LRRTM4: variants seen among roughly 807,000 people sequenced by gnomAD.
LRRTM4 encodes leucine-rich repeat transmembrane neuronal protein 4.
In LRRTM4, 25 loss-of-function variants were observed where a neutral mutation model predicts 47.6. That is an observed-to-expected ratio of 0.53 (90% confidence interval 0.38 to 0.73). The LOEUF is 0.73. Ranked by LOEUF, LRRTM4 falls within the 30% of genes least tolerant of loss-of-function variation. The probability of loss-of-function intolerance (pLI) is 0.00; values close to 1 mark genes in which losing one functional copy is unlikely to be tolerated. For missense variants in LRRTM4, 638 were observed against 713.4 expected (o/e 0.89, Z 1.20); for synonymous variants, 311 against 269.5 (o/e 1.15, Z -1.51).
Position 77,351,614 on chromosome 2 carries a change from T to TTATATATATATA in LRRTM4, c.1551+166692_1551+166703dup, listed in dbSNP as rs71656252. On this transcript the variant is annotated intron_variant, in intron 3 of 3. Coordinates refer to ENST00000409884, the MANE Select transcript of LRRTM4 (RefSeq NM_001134745.3). Reference sequence around the variant, plus strand: ...ATGCTTTTGTGAAACCATGACAAATTTATATATATATATATATATATATAT... The same window carrying TTATATATATATA: ...ATGCTTTTGTGAAACCATGACAAATTTATATATATATATATATATATATATATATATATATAT... Among the ~76,000 whole-genome samples, 757 of 135,340 alleles carry TTATATATATATA rather than the reference T, an allele frequency of 5.6e-3. 11 individuals are homozygous for TTATATATATATA. Among genetic ancestry groups the TTATATATATATA allele is most frequent in the African/African-American group, 0.02 (699 of 35,616 alleles). 88.8% of individuals were successfully genotyped at this position (135,340 alleles called of 152,430 possible).
intron 3 of LRRTM4, among the ~76,000 whole-genome samples, chr2:77,066,388 G>C (rs1679957507): frequency 6.6e-6 from 1 of 152,166 alleles, no homozygotes; most frequent in African/African-American, 2.4e-5. Flanking sequence ...AAGACTAATA[G>C]CATCATCTTT....
chr2:76,973,504 A>G (rs77254484), intron 3 of LRRTM4, among the ~76,000 whole-genome samples: 3,509 of 152,018 alleles, frequency 0.023, 168 homozygotes, highest in African/African-American at 0.08. Flanking sequence ...CCCATTGTCT[A>G]AAGTTTTCAG....
intron 3 of LRRTM4, among the ~76,000 whole-genome samples, chr2:77,024,164 A>C (rs892787495): frequency 1.3e-5 from 2 of 152,170 alleles, no homozygotes; most frequent in African/African-American, 4.8e-5. Context: ...CTGTGATTCA[A>C]ATTATCCCAC....
At chr2:77,059,768 A>G (rs540905901) in intron 3 of LRRTM4, among the ~76,000 whole-genome samples, 1 of 152,280 alleles carries the variant, frequency 6.6e-6, no homozygotes, top group Admixed American at 6.5e-5. Context: ...GTGAAAAGTA[A>G]AGCAAAATAC....
At chr2:77,329,908 T>C (rs1191827269) in intron 3 of LRRTM4, among the ~76,000 whole-genome samples, 1 of 152,110 alleles carries the variant, frequency 6.6e-6, no homozygotes, top group Non-Finnish European at 1.5e-5. Flanking sequence ...AAGAGTCCCA[T>C]CAATATAATC....
intron 3 of LRRTM4, among the ~76,000 whole-genome samples, chr2:76,764,491 C>T (rs1322439840): frequency 6.6e-6 from 1 of 151,960 alleles, no homozygotes; most frequent in African/African-American, 2.4e-5. Flanking sequence ...ATTAGCTGGG[C>T]GTGGTGGCGG....
chr2:77,242,682 G>A (rs1675303576), intron 3 of LRRTM4, among the ~76,000 whole-genome samples: 1 of 116,848 alleles, frequency 8.6e-6, no homozygotes, highest in Non-Finnish European at 2.1e-5. Context: ...CCAAAGAAAA[G>A]AAAAGCAAAA....
intron 3 of LRRTM4, among the ~76,000 whole-genome samples, chr2:77,243,416 A>T (rs1675328587): frequency 2.8e-5 from 1 of 35,926 alleles, no homozygotes; most frequent in Non-Finnish European, 6.8e-5. Context: ...GTCTCAAAAT[A>T]AAAAAAAATA....
At chr2:77,174,083 C>A (rs575294478) in intron 3 of LRRTM4, among the ~76,000 whole-genome samples, 2 of 151,980 alleles carry the variant, frequency 1.3e-5, no homozygotes, top group Non-Finnish European at 2.9e-5. Context: ...CTAACTCTGC[C>A]CTTGCCTGGC....
chr2:77,378,304 G>A (rs1672914677), intron 3 of LRRTM4, among the ~76,000 whole-genome samples: 1 of 151,618 alleles, frequency 6.6e-6, no homozygotes, highest in Admixed American at 6.6e-5. Flanking sequence ...TCTAGTTTGG[G>A]GAGTATCTCC....
intron 3 of LRRTM4, among the ~76,000 whole-genome samples, chr2:77,080,991 T>C (rs1048116943): frequency 7.2e-5 from 11 of 152,150 alleles, no homozygotes; most frequent in Non-Finnish European, 1.6e-4. Flanking sequence ...AACCCAGCTA[T>C]GTACTAGGTA....
chr2:77,025,034 T>G (rs1034373718), intron 3 of LRRTM4, among the ~76,000 whole-genome samples: 2 of 152,184 alleles, frequency 1.3e-5, no homozygotes, highest in Non-Finnish European at 2.9e-5. Context: ...AGTCAAAGCA[T>G]TTATATTTTC....
chr2:76,750,308 A>C (rs2104049416), intron 3 of LRRTM4, among the ~76,000 whole-genome samples: 1 of 152,310 alleles, frequency 6.6e-6, no homozygotes, highest in South Asian at 2.1e-4. Flanking sequence ...GAGGTTCATC[A>C]CCACAAAGCT....
intron 3 of LRRTM4, among the ~76,000 whole-genome samples, chr2:76,935,356 A>C (rs955442446): frequency 6.6e-6 from 1 of 152,092 alleles, no homozygotes; most frequent in Non-Finnish European, 1.5e-5. Context: ...TTTCATATGA[A>C]ATTTAAAGTA....
intron 3 of LRRTM4, among the ~76,000 whole-genome samples, chr2:77,004,965 T>C (rs1353574311): frequency 5.3e-5 from 8 of 152,164 alleles, no homozygotes; most frequent in African/African-American, 1.9e-4. Flanking sequence ...GGAATGGGTA[T>C]ATTTACCAAT....
chr2:77,298,355 G>A (rs1481461913), intron 3 of LRRTM4, among the ~76,000 whole-genome samples: 1 of 152,106 alleles, frequency 6.6e-6, no homozygotes, highest in Non-Finnish European at 1.5e-5. Context: ...TCCTGCCTCA[G>A]CCTCCCGAGT....
At chr2:76,770,927 C>A (rs1673673124) in intron 3 of LRRTM4, among the ~76,000 whole-genome samples, 1 of 152,248 alleles carries the variant, frequency 6.6e-6, no homozygotes, top group African/African-American at 2.4e-5. Context: ...TCTCTGTAAT[C>A]CTCAAAAAAC....
chr2:76,809,904 C>G (rs1179993323), intron 3 of LRRTM4, among the ~76,000 whole-genome samples: 1 of 152,106 alleles, frequency 6.6e-6, no homozygotes, highest in East Asian at 1.9e-4. Flanking sequence ...TTCATGGTAC[C>G]TTTCCTCACT....
intron 3 of LRRTM4, chr2:77,517,708 A>G (rs1028147928): frequency 5.1e-6 from 5 of 972,106 alleles, no homozygotes; most frequent in Non-Finnish European, 6.1e-6. Context: ...AAAAAAAAAA[A>G]GAAAGAAGCC....
Sources: gnomAD v4.1 joint callset for allele counts (sites outside exome capture counted in the v4.1 genomes callset) on GRCh38, gnomAD v4.1.1 for gene constraint, MANE v1.5 for transcripts, NCBI Gene and HGNC (gene_info 2026-07-23, HGNC 2026-07-21) for gene names.